The following ACOT7 variants were observed in gnomAD, a reference collection of about 807,000 sequenced individuals.
The protein encoded by ACOT7 is cytosolic acyl coenzyme A thioester hydrolase.
A neutral mutation model predicts 40.2 loss-of-function variants in ACOT7; 12 were observed. The observed-to-expected ratio is 0.30, with a 90% CI of 0.19 to 0.48. The LOEUF (loss-of-function observed/expected upper bound fraction) is 0.48. Among genes scored for constraint, ACOT7 ranks in the 20% least tolerant of loss-of-function variants. ACOT7 has a pLI of 0.99. For synonymous variants in ACOT7, 228 were observed against 219.5 expected, an observed-to-expected ratio of 1.04 and a Z score of -0.34; for missense variants, 395 against 530.8, an observed-to-expected ratio of 0.74 and a Z score of 2.51.
chr1:6,336,897 G>C (rs1641121464), intron 3 of ACOT7, among the ~76,000 whole-genome samples: 1 of 152,214 alleles, frequency 6.6e-6, no homozygotes, highest in Non-Finnish European at 1.5e-5. Context: ...AGGGGGAGAT[G>C]AGACTCGCAG....
At position 6,288,905 on chromosome 1, in the gene ACOT7, C is replaced by G. The variant is rs948259421; in HGVS notation, c.829+5959G>C. ...GTCCGTGTAACTTCCTGACAGACAC[C>G]CCACCCAAGCGAGGGCAAGCCACAG... On this transcript the variant is annotated intron_variant, in intron 7 of 8. Transcript: ENST00000361521. The surrounding 1 kb of genome is among the most constrained non-coding windows in gnomAD (Gnocchi z 4.3). Among the ~76,000 whole-genome samples, 1 of 152,174 alleles carries G rather than the reference C, an allele frequency of 6.6e-6. No individual in the cohort carries two copies. The highest frequency in any genetic ancestry group is 2.4e-5 in the African/African-American group (1 of 41,444).
chr1:6,310,562 G>A (rs1247729349), intron 6 of ACOT7, among the ~76,000 whole-genome samples: 1 of 152,214 alleles, frequency 6.6e-6, no homozygotes, highest in African/African-American at 2.4e-5. Context: ...CACGGTTGCT[G>A]GATCCATTGA....
At chr1:6,382,880 G>GTT (rs144081480) in intron 1 of ACOT7, among the ~76,000 whole-genome samples, 5 of 147,582 alleles carry the variant, frequency 3.4e-5, no homozygotes, top group South Asian at 4.3e-4. Context: ...CAGTTTTTTT[G>GTT]TTTTTTTTTT....
intron 6 of ACOT7, 181 bp from the exon 7 acceptor site, chr1:6,295,161 C>A: frequency 8.3e-6 from 4 of 484,270 alleles, no homozygotes; most frequent in Admixed American, 3.7e-5. Flanking sequence ...ATGGGGCTTC[C>A]TCAGGAGATT....
At chr1:6,389,808 CT>C (rs1642503342) in intron 1 of ACOT7, among the ~76,000 whole-genome samples, 1 of 151,764 alleles carries the variant, frequency 6.6e-6, no homozygotes, top group Non-Finnish European at 1.5e-5. Context: ...AAAAAAGCCC[CT>C]ATCCCTTCAA....
intron 7 of ACOT7, among the ~76,000 whole-genome samples, chr1:6,283,645 AC>A (rs1362860082): frequency 6.6e-6 from 1 of 152,264 alleles, no homozygotes; most frequent in Non-Finnish European, 1.5e-5. Context: ...AGACGTAACA[AC>A]AAAAAGAAGA....
intron 6 of ACOT7, among the ~76,000 whole-genome samples, chr1:6,316,254 T>A (rs532166036): frequency 6.6e-6 from 1 of 151,958 alleles, no homozygotes; most frequent in African/African-American, 2.4e-5. Flanking sequence ...GAGCCCACCC[T>A]GGAATTCGAG....
intron 1 of ACOT7, among the ~76,000 whole-genome samples, chr1:6,350,456 T>C (rs1040652688): frequency 6.6e-6 from 1 of 152,150 alleles, no homozygotes; most frequent in South Asian, 2.1e-4. Context: ...GCAAGGAGCC[T>C]CCCAGGTCAG....
chr1:6,371,760 C>G (rs973137142), intron 1 of ACOT7, among the ~76,000 whole-genome samples: 4 of 151,948 alleles, frequency 2.6e-5, no homozygotes, highest in Non-Finnish European at 5.9e-5. Flanking sequence ...CACTGAAAAC[C>G]TAGGCAGGGC....
chr1:6,378,440 G>A (rs1184207478), intron 1 of ACOT7, among the ~76,000 whole-genome samples: 3 of 151,922 alleles, frequency 2.0e-5, no homozygotes, highest in Non-Finnish European at 2.9e-5. Flanking sequence ...TCCCAGTCCC[G>A]GGCTCATGGG....
At chr1:6,335,327 C>CAAAAAAAAAAAAAAAAAA (rs58439931) in intron 3 of ACOT7, among the ~76,000 whole-genome samples, 1 of 58,348 alleles carries the variant, frequency 1.7e-5, no homozygotes, top group Non-Finnish European at 3.4e-5. Context: ...AACTCTGCCT[C>CAAAAAAAAAAAAAAAAAA]AAAAAAAAAA....
At chr1:6,356,093 G>C (rs560091954) in intron 1 of ACOT7, among the ~76,000 whole-genome samples, 2 of 152,330 alleles carry the variant, frequency 1.3e-5, no homozygotes, top group East Asian at 3.9e-4. Context: ...ATACAATCAA[G>C]ATGAGGTCGC....
At chr1:6,342,377 G>A (rs745631494) in intron 2 of ACOT7, among the ~76,000 whole-genome samples, 1 of 151,986 alleles carries the variant, frequency 6.6e-6, no homozygotes, top group Non-Finnish European at 1.5e-5. Context: ...TGAGAGACAC[G>A]AACACTCAGA....
At chr1:6,310,514 G>A (rs571477328) in intron 6 of ACOT7, among the ~76,000 whole-genome samples, 13 of 152,352 alleles carry the variant, frequency 8.5e-5, no homozygotes, top group African/African-American at 3.1e-4. Context: ...CTCTGGAGAG[G>A]TCCAGGGACA....
intron 2 of ACOT7, among the ~76,000 whole-genome samples, chr1:6,347,582 C>T (rs964167537): frequency 6.6e-6 from 1 of 152,060 alleles, no homozygotes; most frequent in African/African-American, 2.4e-5. Context: ...CTGGCCAACA[C>T]GGTGAAACCC....
chr1:6,371,842 C>T (rs1294133908), intron 1 of ACOT7, among the ~76,000 whole-genome samples: 2 of 151,742 alleles, frequency 1.3e-5, no homozygotes, highest in Non-Finnish European at 2.9e-5. Context: ...GTCAGGAGTT[C>T]GAGACCAGCC....
At chr1:6,379,843 T>C (rs1291152110) in intron 1 of ACOT7, among the ~76,000 whole-genome samples, 1 of 151,408 alleles carries the variant, frequency 6.6e-6, no homozygotes, top group African/African-American at 2.4e-5. Context: ...GGCATATCAC[T>C]TGAGGTCAGG....
chr1:6,390,628 A>G (rs1642516952), intron 1 of ACOT7, among the ~76,000 whole-genome samples: 1 of 151,688 alleles, frequency 6.6e-6, no homozygotes, highest in African/African-American at 2.4e-5. Flanking sequence ...CTTGGTTTAC[A>G]GTGGGTAAGA....
rs1250162113 is a variant in ACOT7, at chr1:6,274,980, C to G, written c.1014+6122G>C. On this transcript the variant is annotated intron_variant, in intron 8 of 8. Coordinates refer to ENST00000361521, the MANE Select transcript of ACOT7 (RefSeq NM_007274.4). The surrounding 1 kb of genome is among the most constrained non-coding windows in gnomAD (Gnocchi z 5.9). ...GACAGCAGTGAGCGGCCCCCTTTCC[C>G]AGTCAGTGAAGTCACAGATGGGCCT... Among the ~76,000 whole-genome samples the G allele has an allele frequency of 6.6e-6, 1 of 152,224 alleles. No individual in the cohort carries two copies. Among genetic ancestry groups the G allele is most frequent in the Non-Finnish European group, 1.5e-5 (1 of 68,040 alleles).
Sources: allele counts gnomAD v4.1 joint callset (sites outside exome capture counted in the v4.1 genomes callset), GRCh38; gene constraint gnomAD v4.1.1; non-coding constraint Gnocchi (gnomAD v3.1); transcripts MANE v1.5; gene names NCBI Gene and HGNC (gene_info 2026-07-23, HGNC 2026-07-21).